AHNAK2: variants seen among roughly 807,000 people sequenced by gnomAD.
The protein encoded by AHNAK2 is protein AHNAK2.
Under a neutral mutation model 30.7 loss-of-function variants are expected in AHNAK2, and 18 were observed. That is an observed-to-expected ratio of 0.59 (90% CI 0.41 to 0.87). AHNAK2 has a LOEUF of 0.87. Among genes scored for constraint, AHNAK2 ranks in the 40% least tolerant of loss-of-function variants. The pLI is 0.00. For synonymous variants in AHNAK2, 3,590 were observed against 3,073.8 expected (o/e 1.17, Z -5.56); for missense variants, 8,604 against 7,373.0 (o/e 1.17, Z -6.11).
In AHNAK2 at chr14:104,954,396, C is replaced by T. The variant is rs367866183; in HGVS notation, c.1055G>A (p.Arg352His). The change falls in exon 7 of 7, where the codon CGT (arginine) becomes CAT (histidine). Residue 352 changes from arginine (R) to histidine (H), a missense_variant. By Grantham distance (29) the Arg-to-His change is conservative. Coordinates refer to ENST00000333244, the MANE Select transcript of AHNAK2 (RefSeq NM_138420.4). This position sits in a 1 kb window ranked among gnomAD's most constrained non-coding sequence, Gnocchi z 4.3. ...CCCCAACTCTTCCAGGACCCCAGCA[C>T]GGCCCACCCCACTCTGGAACCCCCT... ...PGRGFQSGVG[R>H]AGVLEELGPW... The T allele has an allele frequency of 3.8e-5, 62 of 1,613,152 alleles. No homozygotes were observed. The highest frequency in any genetic ancestry group is 3.3e-4 in the East Asian group (15 of 44,886).
At chr14:104,960,267 T>C (rs1899099395) in intron 1 of AHNAK2, among the ~76,000 whole-genome samples, 2 of 152,212 alleles carry the variant, frequency 1.3e-5, no homozygotes, top group Non-Finnish European at 2.9e-5. Context: ...GTGGTTTCTG[T>C]ATCCTGAGTT....
At chr14:104,977,549 G>A (rs1183310943) in intron 1 of AHNAK2, among the ~76,000 whole-genome samples, 2 of 152,114 alleles carry the variant, frequency 1.3e-5, no homozygotes, top group Non-Finnish European at 2.9e-5. Flanking sequence ...CCAGGCCCCA[G>A]ACCTCAGGCC....
At chr14:104,969,379 T>TCTCCAGCCC (rs1899407511) in intron 1 of AHNAK2, among the ~76,000 whole-genome samples, 1 of 152,160 alleles carries the variant, frequency 6.6e-6, no homozygotes, top group Admixed American at 6.5e-5. Flanking sequence ...ATCCCCAGCC[T>TCTCCAGCCC]CTCCAGCCCT....
At position 104,941,223 on chromosome 14, in the gene AHNAK2, C is replaced by T. The variant is rs1285305083; in HGVS notation, c.14228G>A (p.Ser4743Asn). Residue 4743 changes from serine (S) to asparagine (N), a missense_variant, in exon 7 of 7, where the codon AGT (serine) becomes AAT (asparagine). By Grantham distance (46) the Ser-to-Asn change is conservative. Transcript: ENST00000333244. Reference sequence around the variant, plus strand: ...AGCCGAAACCTGTTGTAATTCAAAACTTGAGCATTCTGAAGATGATAAAGG... The same window carrying T: ...AGCCGAAACCTGTTGTAATTCAAAATTTGAGCATTCTGAAGATGATAAAGG... ...TIPLSSSECS[S>N]FELQQVSACS... 3 of 1,613,634 alleles carry T rather than the reference C, an allele frequency of 1.9e-6. No individual in the cohort carries two copies. The highest frequency in any genetic ancestry group is 2.2e-5 in the South Asian group (2 of 91,086).
At position 104,943,902 on chromosome 14, in the gene AHNAK2, T is replaced by C; in HGVS notation, c.11549A>G (p.Asp3850Gly). The C allele has an allele frequency of 6.2e-7, 1 of 1,612,816 alleles. No individual in the cohort carries two copies. Among genetic ancestry groups the C allele is most frequent in the African/African-American group, 1.3e-5 (1 of 74,700 alleles). ...PSMQGDLKTT[D>G]LSIQPHSADL... is the part of the protein sequence containing the mutation. ...GGCAGAATGGGGCTGAATGCTGAGG[T>C]CAGTGGTCTTGAGGTCCCCCTGCAT... The change falls in exon 7 of 7, where the codon GAC (aspartate) becomes GGC (glycine). Residue 3850 changes from aspartate (D) to glycine (G), a missense_variant. Asp to Gly is a moderately conservative substitution (Grantham distance 94). Transcript: ENST00000333244.
At position 104,942,004 on chromosome 14, in the gene AHNAK2, C is replaced by T. The variant is rs114164529; in HGVS notation, c.13447G>A (p.Glu4483Lys). The change falls in exon 7 of 7, where the codon GAG becomes AAG. Residue 4483 changes from glutamate to lysine, a missense_variant. Physicochemically the swap from Glu to Lys is moderately conservative, Grantham distance 56 (BLOSUM62 1). Coordinates refer to ENST00000333244, the MANE Select transcript of AHNAK2 (RefSeq NM_138420.4). ...GGCGCAGACACATCCACCGAGACCT[C>T]GATGGACTTGCCTGGGGACAACATC... is the stretch of plus-strand genomic sequence containing the variant. The part of the protein sequence containing the change: ...FGMLSPGKSI[E>K]VSVDVSAPKM... 9.8e-4 allele frequency: 1,584 copies of T among 1,613,464 alleles called. 12 individuals are homozygous for T. In the African/African-American group the frequency reaches 0.019, roughly 19 times the overall value.
chr14:104,939,316 C>T lies in AHNAK2; in HGVS notation c.16135G>A (p.Asp5379Asn), dbSNP rs1489269077. The T allele has an allele frequency of 3.7e-6, 6 of 1,613,788 alleles. No individual in the cohort carries two copies. The South Asian group carries it at 5.5e-5, about 15-fold the overall frequency. ...GGGAATTTGACAGTTAGGACAGAAT[C>T]TTCCCACAGTTGATCCACATTAACC... The part of the protein sequence containing the change: ...SVVNVDQLWE[D>N]SVLTVKFPKL... Residue 5379 changes from aspartate (D) to asparagine (N), a missense_variant, in exon 7 of 7, where the codon GAT (aspartate) becomes AAT (asparagine). Physicochemically the swap from Asp to Asn is conservative, Grantham distance 23. Transcript: ENST00000333244.
rs774108225 is a variant in AHNAK2, at chr14:104,949,841, G to T, written c.5610C>A (p.Asp1870Glu). 16 of 1,587,304 alleles carry T rather than the reference G, an allele frequency of 1.0e-5. 4 individuals are homozygous for T. In the African/African-American group the frequency reaches 1.7e-4, roughly 16 times the overall value. The change falls in exon 7 of 7, where the codon GAC becomes GAA. Residue 1870 changes from aspartate (D) to glutamate (E), a missense_variant. Coordinates refer to ENST00000333244, the MANE Select transcript of AHNAK2 (RefSeq NM_138420.4). ...PSMQGDLKTT[D>E]LCIPLPSADL... ...CTGCAGAAGGGAGCGGAATGCAGAG[G>T]TCCGTGGTCTTGAGGTCCCCCTGCA...
chr14:104,945,129 A>C lies in AHNAK2; in HGVS notation c.10322T>G (p.Val3441Gly), dbSNP rs925210804. 2 of 1,612,208 alleles carry C rather than the reference A, an allele frequency of 1.2e-6. No homozygotes were observed. Among genetic ancestry groups the C allele is most frequent in the Admixed American group, 1.7e-5 (1 of 59,848 alleles). Residue 3441 changes from valine to glycine, a missense_variant, in exon 7 of 7, where the codon GTG becomes GGG. Val to Gly is a moderately radical substitution (Grantham distance 109). Coordinates refer to ENST00000333244, the MANE Select transcript of AHNAK2 (RefSeq NM_138420.4). ...CTTGGCTCTCGGGGCCTGGACGTCCACCTCCACGCTGGGCAGAGACACCTC... is the reference window on the plus strand; with the variant it reads ...CTTGGCTCTCGGGGCCTGGACGTCCCCCTCCACGCTGGGCAGAGACACCTC... ...DVEVSLPSVEVDVQAPRAKLD... is the reference protein window; with the variant it reads ...DVEVSLPSVEGDVQAPRAKLD...
At chr14:104,978,093 A>G in intron 1 of AHNAK2, 90 bp downstream of exon 1, 1 of 1,079,920 alleles carries the variant, frequency 9.3e-7, no homozygotes, top group Non-Finnish European at 1.2e-6. Flanking sequence ...CAAGGCCCGC[A>G]CTGCGCGCCC....
In AHNAK2 at chr14:104,946,367, A is replaced by C; in HGVS notation, c.9084T>G (p.Ile3028Met). ...CCTCCAGTTGGGCAGAGGGGGGCTC[A>C]ATGCTGATGTCAGTGGTCTTCAGGT... ...QGDLKTTDIS[I>M]EPPSAQLEVQ... The change falls in exon 7 of 7, where the codon ATT becomes ATG. Residue 3028 changes from isoleucine to methionine, a missense_variant. By Grantham distance (10) the Ile-to-Met change is conservative. Coordinates refer to ENST00000333244, the MANE Select transcript of AHNAK2 (RefSeq NM_138420.4). 6.2e-7 allele frequency: 1 copy of C among 1,611,750 alleles called. No homozygotes were observed. Among genetic ancestry groups the C allele is most frequent in the East Asian group, 2.2e-5 (1 of 44,620 alleles).
intron 1 of AHNAK2, among the ~76,000 whole-genome samples, chr14:104,973,352 C>A (rs967851337): frequency 6.6e-6 from 1 of 152,218 alleles, no homozygotes; most frequent in Non-Finnish European, 1.5e-5. Flanking sequence ...CGGGAGGAGG[C>A]CAAGGCGTGA....
Position 104,970,334 on chromosome 14 carries a change from C to T in AHNAK2, c.55+7849G>A, listed in dbSNP as rs113970359. The T allele has an allele frequency of 2.0e-3, 1,599 of 795,404 alleles. 20 individuals carry two copies. The African/African-American group carries it at 0.027, about 13-fold the overall frequency. 49.3% of individuals were successfully genotyped at this position (795,404 alleles called of 1,614,324 possible). ...CCCTGCCCGTCTGTCAGCTGCAGGT[C>T]GGGGGATGCCTAGCCCAGCTCTGTT... On this transcript the variant is annotated intron_variant, in intron 1 of 6. Coordinates refer to ENST00000333244, the MANE Select transcript of AHNAK2 (RefSeq NM_138420.4).
At chr14:104,970,326 C>G in intron 1 of AHNAK2, 3 of 726,556 alleles carry the variant, frequency 4.1e-6, no homozygotes, top group Non-Finnish European at 5.1e-6. Flanking sequence ...CGTCTGTCAG[C>G]TGCAGGTCGG....
chr14:104,942,775 T>A lies in AHNAK2; in HGVS notation c.12676A>T (p.Met4226Leu), dbSNP rs756482227. ...GGGCCCTTGAGGGCCACTTTGGGCA[T>A]CTTCAAACAGGGCATCTGCACCTTG... ...LPKVQMPCLK[M>L]PKVALKGPQV... The change falls in exon 7 of 7, where the codon ATG becomes TTG. Residue 4226 changes from methionine (M) to leucine (L), a missense_variant. Transcript: ENST00000333244. 2 of 1,611,968 alleles carry A rather than the reference T, an allele frequency of 1.2e-6. No homozygotes were observed. The highest frequency in any genetic ancestry group is 1.7e-6 in the Non-Finnish European group (2 of 1,179,258).
At position 104,939,307 on chromosome 14, in the gene AHNAK2, G is replaced by T. The variant is rs1246756817; in HGVS notation, c.16144C>A (p.Leu5382Ile). The T allele has an allele frequency of 1.9e-6, 3 of 1,613,836 alleles. No individual in the cohort carries two copies. The highest frequency in any genetic ancestry group is 2.5e-6 in the Non-Finnish European group (3 of 1,179,862). The change falls in exon 7 of 7, where the codon CTA becomes ATA. Residue 5382 changes from leucine to isoleucine, a missense_variant. Transcript: ENST00000333244. Reference protein sequence around the residue: ...NVDQLWEDSVLTVKFPKLMVP... With the variant: ...NVDQLWEDSVITVKFPKLMVP... ...ATTAATTTGGGGAATTTGACAGTTA[G>T]GACAGAATCTTCCCACAGTTGATCC...
At position 104,948,706 on chromosome 14, in the gene AHNAK2, C is replaced by T. The variant is rs1172243774; in HGVS notation, c.6745G>A (p.Val2249Met). The T allele has an allele frequency of 1.9e-6, 3 of 1,611,140 alleles. No individual in the cohort carries two copies. Among genetic ancestry groups the T allele is most frequent in the Non-Finnish European group, 2.5e-6 (3 of 1,179,324 alleles). Residue 2249 changes from valine (V) to methionine (M), a missense_variant, in exon 7 of 7, where the codon GTG becomes ATG. Transcript: ENST00000333244. ...TCTATTTCGGGGCCCTTGAGGTCCA[C>T]TTTGGGCACCTTGAAACTGGGCATC... ...LQMPSFKVPK[V>M]DLKGPEIDIK... is the part of the protein sequence containing the mutation.
rs1028846204 is a variant in AHNAK2 at position 104,937,665 on chromosome 14, C to G, written c.*398G>C. 10 of 172,726 alleles carry G rather than the reference C, an allele frequency of 5.8e-5. No individual in the cohort carries two copies. Among genetic ancestry groups the G allele is most frequent in the Non-Finnish European group, 1.1e-4 (9 of 82,750 alleles). 10.7% of individuals were successfully genotyped at this position (172,726 alleles called of 1,614,324 possible). ...AGCAGCAGCAGGAAAGAAGTTATAC[C>G]AAAAACGACTTGTACACCACAGACA... On this transcript the variant is annotated 3_prime_UTR_variant, in exon 7 of 7. Coordinates refer to ENST00000333244, the MANE Select transcript of AHNAK2 (RefSeq NM_138420.4).
In AHNAK2 at chr14:104,944,878, G is replaced by A. The variant is rs200917672; in HGVS notation, c.10573C>T (p.Pro3525Ser). 24 of 1,613,114 alleles carry A rather than the reference G, an allele frequency of 1.5e-5. No homozygotes were observed. The highest frequency in any genetic ancestry group is 5.0e-5 in the Admixed American group (3 of 59,976). Residue 3525 changes from proline to serine, a missense_variant, in exon 7 of 7, where the codon CCC (proline) becomes TCC (serine). Coordinates refer to ENST00000333244, the MANE Select transcript of AHNAK2 (RefSeq NM_138420.4). ...TGGACCTCCAGGTCAGCGGAAGGGG[G>A]CTGAATGCTGAGGTCAGTGGCCTTG... The part of the protein sequence containing the change: ...DLKATDLSIQ[P>S]PSADLEVQAV...
Sources: allele counts gnomAD v4.1 joint callset (sites outside exome capture counted in the v4.1 genomes callset), GRCh38; gene constraint gnomAD v4.1.1; non-coding constraint Gnocchi (gnomAD v3.1); transcripts MANE v1.5; gene names NCBI Gene and HGNC (gene_info 2026-07-23, HGNC 2026-07-21).